Variants in ABHD18 observed in about 807,000 individuals in gnomAD.
ABHD18 encodes abhydrolase domain containing 18, also known as cardiolipin-specific deacylase, mitochondrial.
ABHD18 carries 55 observed loss-of-function variants against 65.9 expected under a neutral mutation model. The ratio of observed to expected loss-of-function variants is 0.84; its 90% CI spans 0.67 to 1.05. The LOEUF (loss-of-function observed/expected upper bound fraction) is 1.05, where lower values mean the gene tolerates loss of function less well. Among genes scored for constraint, ABHD18 ranks in the 50% least tolerant of loss-of-function variants. The pLI, the probability that ABHD18 is intolerant of heterozygous loss-of-function variation, is 0.00. For synonymous variants in ABHD18, 181 were observed against 180.2 expected (o/e 1.00, Z -0.04); for missense variants, 533 against 558.5 (o/e 0.95, Z 0.46).
intron 4 of ABHD18, among the ~76,000 whole-genome samples, chr4:127,998,640 G>T (rs1186800623): frequency 6.6e-6 from 1 of 151,664 alleles, no homozygotes; most frequent in Non-Finnish European, 1.5e-5. Context: ...CCAAGTAGCT[G>T]GGACTATAGG....
At chr4:128,031,107 C>T (rs557205025) in intron 12 of ABHD18, 1 of 988,730 alleles carries the variant, frequency 1.0e-6, no homozygotes, top group Non-Finnish European at 1.2e-6. Context: ...ATAAGAAGTG[C>T]TTTTAATGTG....
In ABHD18 at chr4:128,009,514, G is replaced by C. The variant is rs375048543; in HGVS notation, c.442+323G>C. ...TGTTTTAAATGCATTTACAGTATCAGTTGAGGTTTAGACAGTTCTTAACTT... is the reference window on the plus strand; with the variant it reads ...TGTTTTAAATGCATTTACAGTATCACTTGAGGTTTAGACAGTTCTTAACTT... On this transcript the variant is annotated intron_variant, in intron 6 of 12. Transcript: ENST00000645843. 28 of 176,232 alleles carry C rather than the reference G, an allele frequency of 1.6e-4. No individual in the cohort carries two copies. The South Asian group carries it at 4.9e-3, about 31-fold the overall frequency. 10.9% of individuals were successfully genotyped at this position (176,232 alleles called of 1,614,324 possible). A position where few individuals can be genotyped will look rare whatever the true frequency, so the allele number is the denominator to read the frequency against.
intron 10 of ABHD18, among the ~76,000 whole-genome samples, chr4:128,024,208 ATG>A (rs888996777): frequency 6.6e-6 from 1 of 152,130 alleles, no homozygotes; most frequent in African/African-American, 2.4e-5. Context: ...GCAAGAGAGA[ATG>A]TGTGTGTGTG....
intron 4 of ABHD18, chr4:128,001,733 T>C (rs144263762): frequency 7.3e-4 from 1,134 of 1,548,102 alleles, no homozygotes; most frequent in Middle Eastern, 6.0e-3. Flanking sequence ...GATGAAATGC[T>C]TGATACCAAC....
intron 4 of ABHD18, among the ~76,000 whole-genome samples, chr4:128,007,739 C>CAAAAAA (rs57540305): frequency 8.8e-6 from 1 of 114,148 alleles, no homozygotes; most frequent in South Asian, 2.8e-4. Context: ...ACCCTGTCTC[C>CAAAAAA]AAAAAAAAAA....
At chr4:128,009,233 T>G in intron 6 of ABHD18, 42 bp downstream of exon 6, 1 of 1,237,822 alleles carries the variant, frequency 8.1e-7, no homozygotes, top group Non-Finnish European at 1.1e-6. Context: ...GCCTTGTTTA[T>G]TTATTGATAT....
intron 4 of ABHD18, 96 bp downstream of exon 4, chr4:127,989,917 G>C (rs1419919624): frequency 2.4e-5 from 17 of 703,692 alleles, no homozygotes; most frequent in African/African-American, 3.6e-5. Context: ...GAGTAACAAG[G>C]CAGGCCTAAA....
rs1752649606 is a variant in ABHD18, at chr4:128,001,673, T to C, written c.279-7247T>C. 4 of 1,525,416 alleles carry C rather than the reference T, an allele frequency of 2.6e-6. No homozygotes were observed. The East Asian group carries it at 9.9e-5, about 38-fold the overall frequency. The allele number at this position is 1,525,416 out of a possible 1,614,324, so 94.5% of individuals were successfully genotyped here. On this transcript the variant is annotated intron_variant, in intron 4 of 12. Coordinates refer to ENST00000645843, the MANE Select transcript of ABHD18 (RefSeq NM_001358451.3). ...AATTCTTGGTTCAAAATAACTTCCT[T>C]CAGAATTTAGAAGGTTTTGGTGTGT...
chr4:128,002,304 T>C (rs577045544), intron 4 of ABHD18, among the ~76,000 whole-genome samples: 12 of 148,732 alleles, frequency 8.1e-5, no homozygotes, highest in Non-Finnish European at 1.6e-4. Context: ...TGAGATGGAG[T>C]CTCGCTCTGT....
intron 1 of ABHD18, among the ~76,000 whole-genome samples, chr4:127,967,713 AAAAAAAAAG>A (rs1352968844): frequency 3.9e-5 from 6 of 151,968 alleles, no homozygotes; most frequent in Non-Finnish European, 8.8e-5. Context: ...AGTAGGAAAA[AAAAAAAAAG>A]AAAATGTCTC....
intron 11 of ABHD18, 58 bp from the exon 12 acceptor site, chr4:128,030,452 G>A: frequency 1.6e-6 from 2 of 1,213,916 alleles, no homozygotes; most frequent in Admixed American, 3.0e-5. Context: ...ACTGCATTGT[G>A]TGGGTTTTTT....
At chr4:128,020,232 G>T (rs1756264052) in intron 9 of ABHD18, 63 bp downstream of exon 9, 4 of 1,358,434 alleles carry the variant, frequency 2.9e-6, no homozygotes, top group African/African-American at 2.9e-5. Flanking sequence ...TTTTGGGGGG[G>T]TCCCCAAAAC....
intron 1 of ABHD18, among the ~76,000 whole-genome samples, chr4:127,973,307 C>T (rs1026325910): frequency 1.1e-4 from 16 of 152,184 alleles, no homozygotes; most frequent in African/African-American, 3.4e-4. Flanking sequence ...TAAGCCACCA[C>T]GCCTTGCTGA....
chr4:128,013,559 G>A (rs1754942324), intron 7 of ABHD18, among the ~76,000 whole-genome samples: 1 of 152,012 alleles, frequency 6.6e-6, no homozygotes, highest in African/African-American at 2.4e-5. Context: ...AAATCCGGGC[G>A]TGGTGGTGGG....
chr4:127,978,920 G>C (rs1055648878), intron 1 of ABHD18, among the ~76,000 whole-genome samples: 12 of 152,130 alleles, frequency 7.9e-5, no homozygotes, highest in Non-Finnish European at 1.6e-4. Flanking sequence ...AAAATCGTAA[G>C]TTGAACCACT....
At chr4:127,993,776 A>G (rs1415050136) in intron 4 of ABHD18, among the ~76,000 whole-genome samples, 1 of 152,110 alleles carries the variant, frequency 6.6e-6, no homozygotes, top group Admixed American at 6.5e-5. Flanking sequence ...CTTATGGTGC[A>G]CATTTAAGTT....
At chr4:127,994,301 A>T (rs1472533272) in intron 4 of ABHD18, among the ~76,000 whole-genome samples, 1 of 152,222 alleles carries the variant, frequency 6.6e-6, no homozygotes, top group Non-Finnish European at 1.5e-5. Flanking sequence ...ATATTTTAAA[A>T]CATAGCATTC....
intron 12 of ABHD18, among the ~76,000 whole-genome samples, chr4:128,034,681 C>T (rs774197294): frequency 2.7e-5 from 4 of 150,930 alleles, no homozygotes; most frequent in South Asian, 2.1e-4. Flanking sequence ...AACAGAGTTT[C>T]GCTCTTGTTG....
intron 12 of ABHD18, among the ~76,000 whole-genome samples, chr4:128,033,524 C>CTTTTTTTT (rs869099600): frequency 2.1e-4 from 23 of 108,630 alleles, no homozygotes; most frequent in African/African-American, 3.9e-4. Flanking sequence ...CAAAGATAGT[C>CTTTTTTTT]TTTTTTTTTT....
Sources: allele counts gnomAD v4.1 joint callset (sites outside exome capture counted in the v4.1 genomes callset), GRCh38; gene constraint gnomAD v4.1.1; transcripts MANE v1.5; gene names NCBI Gene and HGNC (gene_info 2026-07-23, HGNC 2026-07-21).